The following PRKN variants were observed in gnomAD, a reference collection of about 807,000 sequenced individuals.
PRKN encodes the protein parkin RBR E3 ubiquitin protein ligase.
A neutral mutation model predicts 59.5 loss-of-function variants in PRKN; 56 were observed. The ratio of observed to expected loss-of-function variants is 0.94; its 90% CI spans 0.76 to 1.18. PRKN has a LOEUF of 1.18. Ranked by LOEUF, PRKN falls within the 50% of genes most tolerant of loss-of-function variation. The pLI is 0.00. For synonymous variants in PRKN, 250 were observed against 222.1 expected, an observed-to-expected ratio of 1.13 and a Z score of -1.12; for missense variants, 657 against 596.4, an observed-to-expected ratio of 1.10 and a Z score of -1.06.
In PRKN at chr6:162,174,167, C is replaced by T. The variant is rs566924308; in HGVS notation, c.534+26964G>A. Among the ~76,000 whole-genome samples the T allele has an allele frequency of 1.1e-4, 17 of 152,216 alleles. No individual in the cohort carries two copies. In the South Asian group the frequency reaches 3.1e-3, roughly 28 times the overall value. ...TAAAGGTAGAATTCCTGAAGTTATA[C>T]GATTTTAAAATACACTTGAGAAAGG... is the stretch of plus-strand genomic sequence containing the variant. On this transcript the variant is annotated intron_variant, in intron 4 of 11. Transcript: ENST00000366898.
intron 6 of PRKN, among the ~76,000 whole-genome samples, chr6:161,862,052 C>T (rs1241210795): frequency 6.6e-6 from 1 of 152,218 alleles, no homozygotes; most frequent in South Asian, 2.1e-4. Flanking sequence ...ATCTTTGCCT[C>T]TGTCTTCATA....
At position 161,360,699 on chromosome 6, in the gene PRKN, G is replaced by A. The variant is rs1784942940; in HGVS notation, c.1168-494C>T. ...GCTCTACATCTTGTTATCCTTCCTT[G>A]CACCTGGCAAATGGGGAACTCCAAA... On this transcript the variant is annotated intron_variant, in intron 10 of 11. Transcript: ENST00000366898. This position sits in a 1 kb window ranked among gnomAD's most constrained non-coding sequence, Gnocchi z 5.1. Among the ~76,000 whole-genome samples, 1 of 152,108 alleles carries A rather than the reference G, an allele frequency of 6.6e-6. No homozygotes were observed. The highest frequency in any genetic ancestry group is 2.1e-4 in the South Asian group (1 of 4,812).
At chr6:161,703,826 T>C (rs1786354826) in intron 7 of PRKN, among the ~76,000 whole-genome samples, 3 of 130,088 alleles carry the variant, frequency 2.3e-5, no homozygotes, top group Admixed American at 7.5e-5. Context: ...CACATCTCTC[T>C]CTCTCTCTCT....
chr6:161,822,199 G>T lies in PRKN; in HGVS notation c.735-36291C>A, dbSNP rs140288871. 6.0e-3 allele frequency among the ~76,000 whole-genome samples: 910 copies of T among 152,230 alleles called. 6 individuals carry two copies. Among genetic ancestry groups the T allele is most frequent in the African/African-American group, 0.021 (861 of 41,542 alleles). On this transcript the variant is annotated intron_variant, in intron 6 of 11. Transcript: ENST00000366898. ...GGTCATACAGGATGAAGACTACATT[G>T]CCAAGTCTCTTTTAAAGTTAGGGAT...
At chr6:161,650,409 T>C (rs1784109051) in intron 7 of PRKN, among the ~76,000 whole-genome samples, 1 of 152,174 alleles carries the variant, frequency 6.6e-6, no homozygotes, top group Admixed American at 6.5e-5. Flanking sequence ...TATTTCCTTG[T>C]GTTTTATACA....
intron 2 of PRKN, among the ~76,000 whole-genome samples, chr6:162,433,661 G>A (rs1583565737): frequency 1.3e-5 from 2 of 151,910 alleles, no homozygotes; most frequent in African/African-American, 4.8e-5. Flanking sequence ...AGTGTCCAAG[G>A]TTTAAATAAC....
chr6:161,427,601 C>G (rs1410186801), intron 9 of PRKN, among the ~76,000 whole-genome samples: 2 of 152,094 alleles, frequency 1.3e-5, no homozygotes, highest in Non-Finnish European at 2.9e-5. Flanking sequence ...TGAAATCTGA[C>G]ATGTGAAAGT....
In PRKN at chr6:161,461,505, C is replaced by G. The variant is rs1019601201; in HGVS notation, c.1084-74628G>C. ...CAAGGCAGGAAGAGTGTAGGTTGTT[C>G]CAGTAGTTGAGGTAAAGAGTGGGGA... On this transcript the variant is annotated intron_variant, in intron 9 of 11. Transcript: ENST00000366898. The surrounding 1 kb of genome is among the most constrained non-coding windows in gnomAD (Gnocchi z 5.1). Among the ~76,000 whole-genome samples the G allele has an allele frequency of 2.0e-5, 3 of 151,788 alleles. No homozygotes were observed. Among genetic ancestry groups the G allele is most frequent in the African/African-American group, 7.3e-5 (3 of 41,270 alleles).
intron 6 of PRKN, among the ~76,000 whole-genome samples, chr6:161,936,377 T>A (rs1028064537): frequency 2.6e-5 from 4 of 151,928 alleles, no homozygotes; most frequent in African/African-American, 9.7e-5. Flanking sequence ...ACCTGGCTAC[T>A]TTTTTGTATT....
chr6:162,638,823 C>A (rs73597933), intron 1 of PRKN, among the ~76,000 whole-genome samples: 3,039 of 148,226 alleles, frequency 0.021, 109 homozygotes, highest in African/African-American at 0.07. Flanking sequence ...CGGCTCACTG[C>A]AACCTCTGCC....
intron 2 of PRKN, among the ~76,000 whole-genome samples, chr6:162,332,377 G>A (rs866583901): frequency 5.3e-4 from 80 of 152,244 alleles, no homozygotes; most frequent in African/African-American, 1.9e-3. Flanking sequence ...CCTGGCCTGC[G>A]CCCCTCTCTC....
Position 162,262,659 on chromosome 6 carries a change from C to G in PRKN, c.278G>C (p.Gly93Ala). The stretch of plus-strand genomic sequence containing the variant: ...GCTCTGGGGCTCCCGCTCACAGCCT[C>G]CCGCCGCGTTTCTGGGGTCGTCGCC... ...TGGDDPRNAA[G>A]GCEREPQSLT... The change falls in exon 3 of 12, where the codon GGA becomes GCA. Residue 93 changes from glycine (G) to alanine (A), a missense_variant. By Grantham distance (60) the Gly-to-Ala change is moderately conservative (BLOSUM62 0). Transcript: ENST00000366898. 1 of 1,613,766 alleles carries G rather than the reference C, an allele frequency of 6.2e-7. No homozygotes were observed.
chr6:162,306,980 G>A (rs1429602996), intron 2 of PRKN, among the ~76,000 whole-genome samples: 1 of 152,162 alleles, frequency 6.6e-6, no homozygotes, highest in Admixed American at 6.5e-5. Context: ...GTTCTCCAAT[G>A]TTGGCATTAA....
chr6:162,275,315 T>C (rs983793943), intron 2 of PRKN: 1 of 151,604 alleles, frequency 6.6e-6, no homozygotes. Context: ...CTCAAACTAT[T>C]AGATAACATA....
In PRKN at chr6:161,362,458, C is replaced by T. The variant is rs980928544; in HGVS notation, c.1168-2253G>A. ...TGGGAGGTGGAATCCAGTTTTACTA[C>T]ACACAGAGGACCTGGACTCCTGAGG... On this transcript the variant is annotated intron_variant, in intron 10 of 11. Coordinates refer to ENST00000366898, the MANE Select transcript of PRKN (RefSeq NM_004562.3). This position sits in a 1 kb window ranked among gnomAD's most constrained non-coding sequence, Gnocchi z 5.2. 1.3e-5 allele frequency among the ~76,000 whole-genome samples: 2 copies of T among 152,150 alleles called. No individual in the cohort carries two copies. Among genetic ancestry groups the T allele is most frequent in the African/African-American group, 2.4e-5 (1 of 41,432 alleles).
chr6:162,621,217 C>T (rs1448456888), intron 1 of PRKN, among the ~76,000 whole-genome samples: 6 of 152,142 alleles, frequency 3.9e-5, no homozygotes, highest in Non-Finnish European at 7.3e-5. Flanking sequence ...GAGCCCTTCC[C>T]GGGTTCTCTG....
intron 7 of PRKN, among the ~76,000 whole-genome samples, chr6:161,687,270 T>A (rs975274436): frequency 2.0e-5 from 3 of 150,036 alleles, no homozygotes; most frequent in Non-Finnish European, 4.4e-5. Context: ...GTGCCTGTAA[T>A]CCCAGCTACT....
chr6:162,195,353 A>G (rs1054720667), intron 4 of PRKN, among the ~76,000 whole-genome samples: 5 of 152,230 alleles, frequency 3.3e-5, no homozygotes, highest in African/African-American at 4.8e-5. Flanking sequence ...GCTTAGGTCT[A>G]TTCTAAGACT....
At chr6:161,787,859 T>C (rs943526703) in intron 6 of PRKN, among the ~76,000 whole-genome samples, 1 of 152,188 alleles carries the variant, frequency 6.6e-6, no homozygotes, top group African/African-American at 2.4e-5. Context: ...GGCAGGTGAA[T>C]GGCATGAACG....
Sources: allele counts gnomAD v4.1 joint callset (sites outside exome capture counted in the v4.1 genomes callset), GRCh38; gene constraint gnomAD v4.1.1; non-coding constraint Gnocchi (gnomAD v3.1); transcripts MANE v1.5; gene names NCBI Gene and HGNC (gene_info 2026-07-23, HGNC 2026-07-21).